GRM1: variants seen among roughly 807,000 people sequenced by gnomAD.
The protein encoded by GRM1 is glutamate metabotropic receptor 1, also known as metabotropic glutamate receptor 1.
GRM1 carries 33 observed loss-of-function variants against 90.9 expected under a neutral mutation model. The observed-to-expected ratio is 0.36, with a 90% CI of 0.28 to 0.49. The LOEUF (loss-of-function observed/expected upper bound fraction) is 0.49. Among genes scored for constraint, GRM1 ranks in the 20% least tolerant of loss-of-function variants. The pLI is 0.99. For missense variants in GRM1, 1,190 were observed against 1,534.3 expected (o/e 0.78, Z 3.75); for synonymous variants, 700 against 613.2 (o/e 1.14, Z -2.09).
At chr6:146,159,631 T>TCA (rs1438923485) in intron 2 of GRM1, 34 bp downstream of exon 2, 2 of 1,473,740 alleles carry the variant, frequency 1.4e-6, no homozygotes, top group Admixed American at 1.8e-5. Context: ...TCTCTCTCTC[T>TCA]CTCTCTCTCT....
At chr6:146,144,293 T>G (rs1777008035) in intron 1 of GRM1, among the ~76,000 whole-genome samples, 1 of 152,230 alleles carries the variant, frequency 6.6e-6, no homozygotes, top group Non-Finnish European at 1.5e-5. Context: ...TTATTTAACC[T>G]TAATTACCTC....
chr6:146,415,725 T>C (rs1777758302), intron 7 of GRM1, among the ~76,000 whole-genome samples: 1 of 152,212 alleles, frequency 6.6e-6, no homozygotes, highest in Non-Finnish European at 1.5e-5. Context: ...TTCATCGTTA[T>C]GTTTGATGCT....
intron 1 of GRM1, among the ~76,000 whole-genome samples, chr6:146,152,885 A>G (rs910586661): frequency 6.6e-6 from 1 of 152,180 alleles, no homozygotes; most frequent in African/African-American, 2.4e-5. Flanking sequence ...GTGTTTTATT[A>G]TAGGTCACTT....
In GRM1 at chr6:146,399,754, TC is replaced by T. The variant is rs1777089298; in HGVS notation, c.2660+56del. ...TTCTCTTCCTTTCTCTGTCTCTTTC[TC>T]TCTCTCTCTCTCTCTCTCTTTCTCT... On this transcript the variant is annotated intron_variant, in intron 7 of 7. Transcript: ENST00000282753. This position sits in a 1 kb window ranked among gnomAD's most constrained non-coding sequence, Gnocchi z 5.4. 1 of 825,452 alleles carries T rather than the reference TC, an allele frequency of 1.2e-6. No individual in the cohort carries two copies. Among genetic ancestry groups the T allele is most frequent in the African/African-American group, 3.7e-5 (1 of 26,914 alleles). 51.1% of individuals were successfully genotyped at this position (825,452 alleles called of 1,614,324 possible).
At chr6:146,203,192 AAAATAAATAAATAAAT>A (rs60263974) in intron 2 of GRM1, among the ~76,000 whole-genome samples, 1,578 of 141,764 alleles carry the variant, frequency 0.011, 10 homozygotes, top group African/African-American at 0.032. Context: ...ACTCCGTCTC[AAAATAAATAAATAAAT>A]AAATAAATAA....
chr6:146,367,289 G>A (rs1254296733), intron 5 of GRM1, among the ~76,000 whole-genome samples: 1 of 152,058 alleles, frequency 6.6e-6, no homozygotes, highest in African/African-American at 2.4e-5. Context: ...GAATCATGCT[G>A]CTTTAATTAA....
At chr6:146,252,928 C>T (rs765224095) in intron 2 of GRM1, among the ~76,000 whole-genome samples, 17 of 150,896 alleles carry the variant, frequency 1.1e-4, no homozygotes, top group Admixed American at 5.3e-4. Flanking sequence ...GGCGTGGTGG[C>T]GTGTGCTTGT....
intron 2 of GRM1, among the ~76,000 whole-genome samples, chr6:146,226,623 A>G (rs1044311427): frequency 6.6e-6 from 1 of 152,190 alleles, no homozygotes; most frequent in African/African-American, 2.4e-5. Context: ...TACCAAAGGC[A>G]TGTGAGTGGT....
chr6:146,290,169 T>C (rs937443991), intron 2 of GRM1, among the ~76,000 whole-genome samples: 1 of 152,182 alleles, frequency 6.6e-6, no homozygotes, highest in African/African-American at 2.4e-5. Flanking sequence ...AAGATAAGTG[T>C]ATTCGGTCAT....
At chr6:146,254,779 A>G (rs1781426152) in intron 2 of GRM1, among the ~76,000 whole-genome samples, 1 of 152,190 alleles carries the variant, frequency 6.6e-6, no homozygotes, top group Non-Finnish European at 1.5e-5. Context: ...ATATTAGTAC[A>G]TTGTACCAAA....
At position 146,135,731 on chromosome 6, in the gene GRM1, A is replaced by G. The variant is rs141096679; in HGVS notation, c.701-23617A>G. Among the ~76,000 whole-genome samples the G allele has an allele frequency of 1.6e-3, 247 of 152,304 alleles. 3 individuals carry two copies. The highest frequency in any genetic ancestry group is 5.1e-3 in the African/African-American group (213 of 41,564). ...TGAAAGAGGCATATAATGCACAGTA[A>G]CCACATCAGGGTAAATGGGGTATCC... On this transcript the variant is annotated intron_variant, in intron 1 of 7. Transcript: ENST00000282753.
intron 1 of GRM1, among the ~76,000 whole-genome samples, chr6:146,077,470 T>C (rs1776226038): frequency 6.6e-6 from 1 of 152,138 alleles, no homozygotes; most frequent in Non-Finnish European, 1.5e-5. Context: ...AATTCAGCAC[T>C]CAGGAGACAG....
At chr6:146,433,149 C>A (rs538238697) in intron 7 of GRM1, among the ~76,000 whole-genome samples, 1 of 152,166 alleles carries the variant, frequency 6.6e-6, no homozygotes, top group Non-Finnish European at 1.5e-5. Context: ...AAATCCCAAA[C>A]CAGCTTCTGT....
At position 146,304,707 on chromosome 6, in the gene GRM1, A is replaced by G. The variant is rs1346769047; in HGVS notation, c.1047A>G (p.Ser349=). The G allele has an allele frequency of 6.2e-7, 1 of 1,613,912 alleles. No homozygotes were observed. The highest frequency in any genetic ancestry group is 8.5e-7 in the Non-Finnish European group (1 of 1,179,868). The stretch of plus-strand genomic sequence containing the variant: ...AGCTGCAGTCTCCAGAGGTCAGGTC[A>G]TTTGATGATTATTTCCTGAAACTGA... ...TIKLQSPEVR[S]FDDYFLKLRL... The change falls in exon 3 of 8, where the codon TCA becomes TCG. Residue 349 remains serine (S), a synonymous_variant. Transcript: ENST00000282753.
chr6:146,034,172 C>T (rs1329313408), intron 1 of GRM1, among the ~76,000 whole-genome samples: 1 of 152,014 alleles, frequency 6.6e-6, no homozygotes, highest in Non-Finnish European at 1.5e-5. Context: ...AGAATTTCAC[C>T]TGACTTTTAG....
intron 7 of GRM1, among the ~76,000 whole-genome samples, chr6:146,421,646 G>A (rs139038278): frequency 1.8e-4 from 28 of 152,188 alleles, no homozygotes; most frequent in African/African-American, 6.0e-4. Context: ...CAAATCTATG[G>A]TGGTAACTAA....
intron 7 of GRM1, among the ~76,000 whole-genome samples, chr6:146,400,063 G>A (rs1777102427): frequency 6.6e-6 from 1 of 152,230 alleles, no homozygotes; most frequent in South Asian, 2.1e-4. Flanking sequence ...GGCTGGGTCA[G>A]AGAGGCAAGC....
intron 1 of GRM1, among the ~76,000 whole-genome samples, chr6:146,137,060 C>T (rs527909880): frequency 6.6e-6 from 1 of 152,096 alleles, no homozygotes; most frequent in African/African-American, 2.4e-5. Context: ...GCCATGTTGT[C>T]CAGGCTGATT....
chr6:146,233,285 T>C (rs1437288722), intron 2 of GRM1, among the ~76,000 whole-genome samples: 1 of 152,152 alleles, frequency 6.6e-6, no homozygotes, highest in Non-Finnish European at 1.5e-5. Context: ...CATCCAGTAG[T>C]ATGCTAGGTT....
Sources: gnomAD v4.1 joint callset for allele counts (sites outside exome capture counted in the v4.1 genomes callset) on GRCh38, gnomAD v4.1.1 for gene constraint, Gnocchi (gnomAD v3.1) non-coding constraint, MANE v1.5 for transcripts, NCBI Gene and HGNC (gene_info 2026-07-23, HGNC 2026-07-21) for gene names.